MEF2B: variants seen among roughly 807,000 people sequenced by gnomAD.
MEF2B encodes myocyte enhancer factor 2B.
MEF2B carries 15 observed loss-of-function variants against 32.2 expected under a neutral mutation model. The ratio of observed to expected loss-of-function variants is 0.47; its 90% CI spans 0.31 to 0.72. The LOEUF (loss-of-function observed/expected upper bound fraction) is 0.72. Ranked by LOEUF, MEF2B falls within the 30% of genes least tolerant of loss-of-function variation. The pLI is 0.05. For synonymous variants in MEF2B, 205 were observed against 225.6 expected, an observed-to-expected ratio of 0.91 and a Z score of 0.82; for missense variants, 441 against 511.5, an observed-to-expected ratio of 0.86 and a Z score of 1.33.
intron 1 of MEF2B, 26 bp from the exon 2 acceptor site, chr19:19,150,790 G>T: frequency 1.2e-6 from 2 of 1,613,714 alleles, no homozygotes; most frequent in South Asian, 2.2e-5. Flanking sequence ...GGAGAGGACA[G>T]AGTGAGTGGG....
At chr19:19,159,434 G>A (rs2060143356) in intron 1 of MEF2B, among the ~76,000 whole-genome samples, 1 of 151,618 alleles carries the variant, frequency 6.6e-6, no homozygotes, top group South Asian at 2.1e-4. Flanking sequence ...AAATAAAAAA[G>A]CTCCTTGCTG....
At chr19:19,161,177 C>T (rs2060158732) in intron 1 of MEF2B, among the ~76,000 whole-genome samples, 1 of 152,038 alleles carries the variant, frequency 6.6e-6, no homozygotes, top group African/African-American at 2.4e-5. Flanking sequence ...GTCGATGGGT[C>T]CTGATGCCTC....
At chr19:19,157,598 A>C (rs1436935916) in intron 1 of MEF2B, among the ~76,000 whole-genome samples, 3 of 152,234 alleles carry the variant, frequency 2.0e-5, no homozygotes, top group African/African-American at 7.2e-5. Context: ...CTGTAATCCC[A>C]GCACTTTGGG....
At chr19:19,165,834 A>G (rs763887823) in intron 1 of MEF2B, among the ~76,000 whole-genome samples, 8 of 152,118 alleles carry the variant, frequency 5.3e-5, no homozygotes, top group Admixed American at 3.3e-4. Flanking sequence ...CATGACTCTT[A>G]TTACAATCCA....
intron 1 of MEF2B, among the ~76,000 whole-genome samples, chr19:19,157,817 C>T (rs559013156): frequency 6.6e-6 from 1 of 152,262 alleles, no homozygotes; most frequent in Non-Finnish European, 1.5e-5. Flanking sequence ...CATTGCACTC[C>T]AGCCTGGGCG....
At chr19:19,163,065 C>G (rs2060178181) in intron 1 of MEF2B, among the ~76,000 whole-genome samples, 1 of 152,214 alleles carries the variant, frequency 6.6e-6, no homozygotes, top group Non-Finnish European at 1.5e-5. Flanking sequence ...CCCCGGGACA[C>G]CCTTCTAGGT....
rs1262418691 is a variant in MEF2B at position 19,146,224 on chromosome 19, G to A, written c.881+49C>T. 5 of 903,686 alleles carry A rather than the reference G, an allele frequency of 5.5e-6. No individual in the cohort carries two copies. In the East Asian group the frequency reaches 1.6e-4, roughly 28 times the overall value. The allele number at this position is 903,686 out of a possible 1,614,324, so 56.0% of individuals were successfully genotyped here. A position where few individuals can be genotyped will look rare whatever the true frequency, so the allele number is the denominator to read the frequency against. ...GGGATGGCCACCAGGGGTCAGCAGCGGCCGGGGCTTTGGAGGACTGGGACT... is the reference window on the plus strand; with the variant it reads ...GGGATGGCCACCAGGGGTCAGCAGCAGCCGGGGCTTTGGAGGACTGGGACT... On this transcript the variant is annotated intron_variant, in intron 8 of 8. Coordinates refer to ENST00000424583, the MANE Select transcript of MEF2B (RefSeq NM_001145785.2).
At chr19:19,159,658 G>A (rs1451120492) in intron 1 of MEF2B, among the ~76,000 whole-genome samples, 2 of 152,094 alleles carry the variant, frequency 1.3e-5, no homozygotes, top group Non-Finnish European at 2.9e-5. Flanking sequence ...GGGGAATTGG[G>A]AGGACAAAAG....
At chr19:19,165,000 C>G (rs1044418536) in intron 1 of MEF2B, among the ~76,000 whole-genome samples, 3 of 152,194 alleles carry the variant, frequency 2.0e-5, no homozygotes, top group Non-Finnish European at 2.9e-5. Flanking sequence ...CAGCGCTGGG[C>G]AGAAGGGACC....
chr19:19,159,543 G>T (rs2060144049), intron 1 of MEF2B, among the ~76,000 whole-genome samples: 1 of 152,152 alleles, frequency 6.6e-6, no homozygotes, highest in Non-Finnish European at 1.5e-5. Flanking sequence ...TGGAGACAGG[G>T]GTGGCACCTG....
chr19:19,156,758 C>A (rs897283996), intron 1 of MEF2B, among the ~76,000 whole-genome samples: 11 of 152,228 alleles, frequency 7.2e-5, no homozygotes, highest in Non-Finnish European at 1.2e-4. Flanking sequence ...CTCAAGTGAT[C>A]CTCCAGCCTC....
rs780254315 is a variant in MEF2B at position 19,146,009 on chromosome 19, G to T, written c.895C>A (p.Leu299Met). ...CGGGTTGGGGGACCCTCCTCGCCCAGGCTTCGGCCCCCACTGCAGGGGGAA... is the reference window on the plus strand; with the variant it reads ...CGGGTTGGGGGACCCTCCTCGCCCATGCTTCGGCCCCCACTGCAGGGGGAA... Reference protein sequence around the residue: ...VSSQPSGGRSLGEEGPPTRGA... With the variant: ...VSSQPSGGRSMGEEGPPTRGA... Residue 299 changes from leucine to methionine, a missense_variant, in exon 9 of 9, where the codon CTG (leucine) becomes ATG (methionine). By Grantham distance (15) the Leu-to-Met change is conservative. Coordinates refer to ENST00000424583, the MANE Select transcript of MEF2B (RefSeq NM_001145785.2). 2.1e-6 allele frequency: 3 copies of T among 1,433,828 alleles called. No homozygotes were observed. 88.8% of individuals were successfully genotyped at this position (1,433,828 alleles called of 1,614,324 possible).
chr19:19,164,879 G>T (rs1264107144), intron 1 of MEF2B, among the ~76,000 whole-genome samples: 1 of 152,192 alleles, frequency 6.6e-6, no homozygotes, highest in Non-Finnish European at 1.5e-5. Flanking sequence ...TGGCTGCAGG[G>T]ACAGCCCAAG....
chr19:19,154,466 A>T (rs1456660880), intron 1 of MEF2B, among the ~76,000 whole-genome samples: 1 of 151,728 alleles, frequency 6.6e-6, no homozygotes, highest in Non-Finnish European at 1.5e-5. Flanking sequence ...CCAGCCTTTT[A>T]TTTTATTTTT....
intron 1 of MEF2B, among the ~76,000 whole-genome samples, chr19:19,154,207 C>T (rs1385767362): frequency 1.3e-5 from 2 of 151,860 alleles, no homozygotes; most frequent in East Asian, 1.9e-4. Flanking sequence ...TGTGTCACCC[C>T]GGCTGAAGTG....
In MEF2B at chr19:19,145,829, G is replaced by A. The variant is rs2146348195; in HGVS notation, c.1075C>T (p.Arg359Trp). 1.3e-6 allele frequency: 2 copies of A among 1,526,254 alleles called. No individual in the cohort carries two copies. Among genetic ancestry groups the A allele is most frequent in the South Asian group, 2.4e-5 (2 of 81,962 alleles). The allele number at this position is 1,526,254 out of a possible 1,614,324, so 94.5% of individuals were successfully genotyped here. A position where few individuals can be genotyped will look rare whatever the true frequency, so the allele number is the denominator to read the frequency against. Reference protein sequence around the residue: ...EPLRPGPALRRLPLADGWPR With the variant: ...EPLRPGPALRWLPLADGWPR ...GGCCAGCCGTCGGCCAAGGGCAGCC[G>A]GCGCAGGGCGGGCCCAGGCCGCAGA... Residue 359 changes from arginine (R) to tryptophan (W), a missense_variant, in exon 9 of 9, where the codon CGG becomes TGG. Transcript: ENST00000424583. The surrounding 1 kb of genome is among the most constrained non-coding windows in gnomAD (Gnocchi z 4.6).
chr19:19,146,544 A>AG lies in MEF2B; in HGVS notation c.769+10dup. 6.5e-7 allele frequency: 1 copy of AG among 1,542,430 alleles called. No homozygotes were observed. Among genetic ancestry groups the AG allele is most frequent in the Non-Finnish European group, 8.7e-7 (1 of 1,146,620 alleles). On this transcript the variant is annotated intron_variant, in intron 7 of 8. Coordinates refer to ENST00000424583, the MANE Select transcript of MEF2B (RefSeq NM_001145785.2). ...CTTCCCAGGTGGGGCAGGGCAGGTT[A>AG]GGGGATGTACCTGGGGGGCCTCCGG... is the stretch of plus-strand genomic sequence containing the variant.
intron 3 of MEF2B, among the ~76,000 whole-genome samples, chr19:19,148,936 C>A (rs577639433): frequency 6.6e-6 from 1 of 151,934 alleles, no homozygotes; most frequent in East Asian, 2.0e-4. Context: ...GGTCTAGAAT[C>A]CCTGACCTCA....
chr19:19,146,411 G>T, intron 7 of MEF2B, 27 bp from the exon 8 acceptor site: 2 of 1,087,688 alleles, frequency 1.8e-6, no homozygotes, highest in Non-Finnish European at 2.5e-6. Context: ...GGGGGCTGAG[G>T]CCTGGACATC....
Sources: allele counts gnomAD v4.1 joint callset (sites outside exome capture counted in the v4.1 genomes callset), GRCh38; gene constraint gnomAD v4.1.1; non-coding constraint Gnocchi (gnomAD v3.1); transcripts MANE v1.5; gene names NCBI Gene and HGNC (gene_info 2026-07-23, HGNC 2026-07-21).